The following ASIC2 variants were observed in gnomAD, a reference collection of about 807,000 sequenced individuals.
ASIC2 encodes the protein acid sensing ion channel subunit 2, also known as acid-sensing ion channel 2.
A neutral mutation model predicts 57.3 loss-of-function variants in ASIC2; 25 were observed. The observed-to-expected ratio is 0.44, with a 90% CI of 0.32 to 0.61. ASIC2 has a LOEUF of 0.61. Among genes scored for constraint, ASIC2 ranks in the 20% least tolerant of loss-of-function variants. ASIC2 has a pLI of 0.06. For missense variants in ASIC2, 641 were observed against 738.1 expected (o/e 0.87, Z 1.52); for synonymous variants, 319 against 307.5 (o/e 1.04, Z -0.39).
intron 1 of ASIC2, among the ~76,000 whole-genome samples, chr17:33,816,597 C>A (rs571932349): frequency 6.6e-6 from 1 of 152,290 alleles, no homozygotes; most frequent in African/African-American, 2.4e-5. Flanking sequence ...CTGTTGCCAA[C>A]CTACTTCAGA....
intron 1 of ASIC2, among the ~76,000 whole-genome samples, chr17:33,498,994 TGGGTGAAAGACAG>T (rs1914023370): frequency 6.6e-6 from 1 of 152,200 alleles, no homozygotes; most frequent in Admixed American, 6.5e-5. Flanking sequence ...GTTGGGGTGA[TGGGTGAAAGACAG>T]GGGTACTGCT....
At chr17:33,934,455 CA>C (rs1457118062) in intron 1 of ASIC2, among the ~76,000 whole-genome samples, 1 of 152,168 alleles carries the variant, frequency 6.6e-6, no homozygotes, top group East Asian at 1.9e-4. Context: ...TCGGGGAGTT[CA>C]TAGTCTTTGT....
chr17:33,803,923 G>T (rs1483647576), intron 1 of ASIC2, among the ~76,000 whole-genome samples: 2 of 152,082 alleles, frequency 1.3e-5, no homozygotes, highest in East Asian at 3.9e-4. Context: ...GCTCAATTGT[G>T]TGATTTCCTC....
intron 1 of ASIC2, among the ~76,000 whole-genome samples, chr17:33,563,850 C>T (rs975677926): frequency 6.6e-6 from 1 of 152,208 alleles, no homozygotes; most frequent in Non-Finnish European, 1.5e-5. Flanking sequence ...TCCTGGCCAC[C>T]TGCCTTATTT....
At position 34,150,250 on chromosome 17, in the gene ASIC2, T is replaced by G. The variant is rs374423108; in HGVS notation, c.555+5728A>C. On this transcript the variant is annotated intron_variant, in intron 1 of 9. Coordinates refer to the ASIC2 transcript ENST00000359872. ...GGGGACTGGGGAGTGGCAGGGTGGA[T>G]AGGTGAGATATGGATCAAAGGACAT... Among the ~76,000 whole-genome samples the G allele has an allele frequency of 3.9e-4, 59 of 152,102 alleles. 1 individual carries two copies. The highest frequency in any genetic ancestry group is 1.3e-3 in the African/African-American group (56 of 41,496).
At chr17:33,193,434 G>A (rs558306000) in intron 1 of ASIC2, among the ~76,000 whole-genome samples, 6 of 152,210 alleles carry the variant, frequency 3.9e-5, no homozygotes, top group Admixed American at 2.0e-4. Flanking sequence ...ACATCCCTCC[G>A]GAGGCTTTAC....
intron 1 of ASIC2, among the ~76,000 whole-genome samples, chr17:33,901,020 C>T (rs1915220702): frequency 1.3e-5 from 2 of 152,314 alleles, no homozygotes; most frequent in Admixed American, 1.3e-4. Flanking sequence ...GCATTAGGCT[C>T]AAACAAACTC....
At chr17:33,495,679 C>T (rs1181670184) in intron 1 of ASIC2, among the ~76,000 whole-genome samples, 2 of 152,070 alleles carry the variant, frequency 1.3e-5, no homozygotes, top group Non-Finnish European at 2.9e-5. Context: ...AAAGGCCAGG[C>T]CCCCCACCCT....
chr17:33,648,663 T>C (rs1397052454), intron 1 of ASIC2, among the ~76,000 whole-genome samples: 1 of 152,216 alleles, frequency 6.6e-6, no homozygotes, highest in Non-Finnish European at 1.5e-5. Context: ...GCTGTGCCTC[T>C]GAGGTTGCAA....
chr17:33,016,187 C>T, intron 8 of ASIC2, 148 bp from the exon 9 acceptor site: 1 of 674,314 alleles, frequency 1.5e-6, no homozygotes, highest in Non-Finnish European at 2.5e-6. Flanking sequence ...GCAGCCAGCT[C>T]CAGGTGCCTG....
intron 3 of ASIC2, among the ~76,000 whole-genome samples, chr17:33,086,376 G>A (rs1339110849): frequency 6.6e-6 from 1 of 152,212 alleles, no homozygotes; most frequent in Non-Finnish European, 1.5e-5. Context: ...ATTCATCATA[G>A]TAGGGGTAGG....
At chr17:33,959,836 C>T (rs1027351463) in intron 1 of ASIC2, among the ~76,000 whole-genome samples, 3 of 152,234 alleles carry the variant, frequency 2.0e-5, no homozygotes, top group Non-Finnish European at 4.4e-5. Context: ...TACTTTGCAT[C>T]CTTCAATCCG....
intron 1 of ASIC2, among the ~76,000 whole-genome samples, chr17:33,735,050 G>C (rs1216113125): frequency 6.6e-6 from 1 of 152,110 alleles, no homozygotes; most frequent in African/African-American, 2.4e-5. Context: ...GCTCTTCTCT[G>C]AGATCCCTGT....
intron 1 of ASIC2, among the ~76,000 whole-genome samples, chr17:33,303,290 T>C (rs778371047): frequency 1.2e-4 from 19 of 152,204 alleles, no homozygotes; most frequent in Non-Finnish European, 2.4e-4. Context: ...GCAGAATTTT[T>C]TGGGGCCTGA....
chr17:33,163,778 G>A (rs982031670), intron 1 of ASIC2, among the ~76,000 whole-genome samples: 1 of 152,172 alleles, frequency 6.6e-6, no homozygotes, highest in Non-Finnish European at 1.5e-5. Context: ...GTGCTGTGGG[G>A]AAAAGTACCA....
intron 1 of ASIC2, among the ~76,000 whole-genome samples, chr17:33,336,876 A>G (rs1486540514): frequency 1.3e-5 from 2 of 152,154 alleles, no homozygotes; most frequent in Non-Finnish European, 2.9e-5. Flanking sequence ...CAGCTTTGTC[A>G]ATGCGCTCGT....
At chr17:33,797,305 G>A (rs1334524207) in intron 1 of ASIC2, among the ~76,000 whole-genome samples, 1 of 152,206 alleles carries the variant, frequency 6.6e-6, no homozygotes, top group Non-Finnish European at 1.5e-5. Context: ...TCCTGGAGCT[G>A]AGACAAACCT....
At chr17:33,759,761 G>T (rs1023956720) in intron 1 of ASIC2, among the ~76,000 whole-genome samples, 3 of 152,172 alleles carry the variant, frequency 2.0e-5, no homozygotes, top group African/African-American at 7.2e-5. Flanking sequence ...TCCCAGGTGT[G>T]GCTTGTGCTG....
intron 1 of ASIC2, among the ~76,000 whole-genome samples, chr17:33,726,135 T>G (rs75908116): frequency 0.012 from 1,874 of 152,304 alleles, 21 homozygotes; most frequent in Non-Finnish European, 0.021. Context: ...TTGTGCTCTT[T>G]GGGACCCTAG....
Sources: gnomAD v4.1 joint callset for allele counts (sites outside exome capture counted in the v4.1 genomes callset) on GRCh38, gnomAD v4.1.1 for gene constraint, MANE v1.5 for transcripts, NCBI Gene and HGNC (gene_info 2026-07-23, HGNC 2026-07-21) for gene names.